Variants in BMP5 observed in about 807,000 individuals in gnomAD.
The protein encoded by BMP5 is bone morphogenetic protein 5.
BMP5 carries 23 observed loss-of-function variants against 46.6 expected under a neutral mutation model. The ratio of observed to expected loss-of-function variants is 0.49; its 90% confidence interval spans 0.35 to 0.70. The LOEUF is 0.70. Ranked by LOEUF, BMP5 falls within the 30% of genes least tolerant of loss-of-function variation. The pLI is 0.00. For missense variants in BMP5, 545 were observed against 565.6 expected (o/e 0.96, Z 0.37); for synonymous variants, 204 against 191.9 (o/e 1.06, Z -0.52).
intron 1 of BMP5, among the ~76,000 whole-genome samples, chr6:55,866,771 A>C (rs553182691): frequency 6.6e-6 from 1 of 152,256 alleles, no homozygotes; most frequent in East Asian, 1.9e-4. Context: ...GTTTTAATAT[A>C]TCACCTGAAA....
chr6:55,815,889 A>G (rs1394411080), intron 2 of BMP5, among the ~76,000 whole-genome samples: 2 of 152,142 alleles, frequency 1.3e-5, no homozygotes, highest in African/African-American at 2.4e-5. Context: ...AAATTATACC[A>G]TTCACATCCT....
chr6:55,827,009 T>C (rs1191282398), intron 1 of BMP5, among the ~76,000 whole-genome samples: 3 of 151,788 alleles, frequency 2.0e-5, no homozygotes, highest in Non-Finnish European at 4.4e-5. Flanking sequence ...TTAGCCTTAC[T>C]CCCAAGCTCC....
At chr6:55,758,309 C>T (rs1360950446) in intron 6 of BMP5, among the ~76,000 whole-genome samples, 3 of 151,770 alleles carry the variant, frequency 2.0e-5, no homozygotes, top group East Asian at 3.9e-4. Context: ...TCTGCCAAAT[C>T]GATAGGCCAG....
intron 2 of BMP5, among the ~76,000 whole-genome samples, chr6:55,811,893 C>T (rs1776145179): frequency 6.6e-6 from 1 of 152,152 alleles, no homozygotes; most frequent in Non-Finnish European, 1.5e-5. Flanking sequence ...TTTACATCAT[C>T]GTTCTTAGCA....
At chr6:55,872,615 A>G (rs1777811743) in intron 1 of BMP5, among the ~76,000 whole-genome samples, 1 of 151,784 alleles carries the variant, frequency 6.6e-6, no homozygotes, top group African/African-American at 2.4e-5. Context: ...AAACACATAA[A>G]TCCAAAAATC....
At chr6:55,771,916 T>C (rs1775055329) in intron 4 of BMP5, among the ~76,000 whole-genome samples, 1 of 151,890 alleles carries the variant, frequency 6.6e-6, no homozygotes. Flanking sequence ...GCATTTCAAG[T>C]CTCTGAAGTA....
intron 2 of BMP5, among the ~76,000 whole-genome samples, chr6:55,810,978 C>G (rs1776120603): frequency 6.6e-6 from 1 of 152,158 alleles, no homozygotes; most frequent in Admixed American, 6.5e-5. Flanking sequence ...GGACCAAAAT[C>G]ACCCCAGGTA....
intron 3 of BMP5, among the ~76,000 whole-genome samples, chr6:55,790,832 T>G (rs1775558609): frequency 6.6e-6 from 1 of 152,216 alleles, no homozygotes; most frequent in African/African-American, 2.4e-5. Context: ...CCAGGTGTCT[T>G]TAGCCATGTA....
chr6:55,836,799 G>A (rs997652445), intron 1 of BMP5, among the ~76,000 whole-genome samples: 19 of 151,988 alleles, frequency 1.3e-4, no homozygotes, highest in African/African-American at 4.3e-4. Flanking sequence ...TTATTCCAGT[G>A]CAAAGAATCA....
intron 1 of BMP5, among the ~76,000 whole-genome samples, chr6:55,826,292 TAC>T (rs561019740): frequency 1.7e-3 from 259 of 151,920 alleles, no homozygotes; most frequent in Non-Finnish European, 2.9e-3. Context: ...TCAAATTTTC[TAC>T]AGTTATTATC....
intron 1 of BMP5, among the ~76,000 whole-genome samples, chr6:55,823,954 T>G (rs1032001719): frequency 1.3e-5 from 2 of 152,048 alleles, no homozygotes; most frequent in African/African-American, 4.8e-5. Context: ...AACATCATAC[T>G]TTCACTACAA....
At chr6:55,756,254 T>C (rs1482297082) in intron 6 of BMP5, among the ~76,000 whole-genome samples, 2 of 151,976 alleles carry the variant, frequency 1.3e-5, no homozygotes, top group Non-Finnish European at 2.9e-5. Flanking sequence ...CTTCATAGAA[T>C]TTTTTTATCA....
At chr6:55,790,368 G>A (rs902154866) in intron 3 of BMP5, among the ~76,000 whole-genome samples, 2 of 152,092 alleles carry the variant, frequency 1.3e-5, no homozygotes, top group Admixed American at 6.6e-5. Flanking sequence ...GTACAAGTGC[G>A]AATCAGTGAT....
chr6:55,844,552 A>G (rs1203984698), intron 1 of BMP5, among the ~76,000 whole-genome samples: 1 of 151,992 alleles, frequency 6.6e-6, no homozygotes, highest in Non-Finnish European at 1.5e-5. Context: ...TATGAGTTCT[A>G]CAAATTAACA....
At chr6:55,857,884 T>A (rs1023545047) in intron 1 of BMP5, among the ~76,000 whole-genome samples, 1 of 152,016 alleles carries the variant, frequency 6.6e-6, no homozygotes, top group Non-Finnish European at 1.5e-5. Flanking sequence ...ATTACAGGCA[T>A]GCGCCACCAG....
In BMP5 at chr6:55,762,545, A is replaced by G. The variant is rs1290067455; in HGVS notation, c.1028-2012T>C. Among the ~76,000 whole-genome samples, 3 of 152,300 alleles carry G rather than the reference A, an allele frequency of 2.0e-5. No individual in the cohort carries two copies. In the South Asian group the frequency reaches 6.2e-4, roughly 32 times the overall value. On this transcript the variant is annotated intron_variant, in intron 4 of 6. Coordinates refer to ENST00000370830, the MANE Select transcript of BMP5 (RefSeq NM_021073.4). Reference sequence around the variant, plus strand: ...ATGGGAAATGGGGGAGAGAGGATTTATTTCAGACTCTACATTCTGGTTCTT... The same window carrying G: ...ATGGGAAATGGGGGAGAGAGGATTTGTTTCAGACTCTACATTCTGGTTCTT...
intron 1 of BMP5, among the ~76,000 whole-genome samples, chr6:55,851,164 A>C (rs1282765712): frequency 2.0e-5 from 3 of 150,022 alleles, no homozygotes; most frequent in Non-Finnish European, 4.4e-5. Flanking sequence ...CTTTAATAGA[A>C]TAAGGAAAAG....
chr6:55,830,613 A>G (rs1776641494), intron 1 of BMP5, among the ~76,000 whole-genome samples: 1 of 152,090 alleles, frequency 6.6e-6, no homozygotes, highest in South Asian at 2.1e-4. Flanking sequence ...CTCCAATCCA[A>G]TGTTATGTTA....
chr6:55,780,653 G>A (rs2127523991), intron 3 of BMP5, among the ~76,000 whole-genome samples: 1 of 152,002 alleles, frequency 6.6e-6, no homozygotes, highest in Non-Finnish European at 1.5e-5. Context: ...ATACTGTCGT[G>A]CCCCACAGTT....
Sources: allele counts gnomAD v4.1 joint callset (sites outside exome capture counted in the v4.1 genomes callset), GRCh38; gene constraint gnomAD v4.1.1; transcripts MANE v1.5; gene names NCBI Gene and HGNC (gene_info 2026-07-23, HGNC 2026-07-21).